TIE1: variants seen among roughly 807,000 people sequenced by gnomAD.
TIE1 encodes the protein tyrosine-protein kinase receptor Tie-1.
Under a neutral mutation model 130.5 loss-of-function variants are expected in TIE1, and 89 were observed. The observed-to-expected ratio is 0.68, with a 90% CI of 0.57 to 0.81. The LOEUF is 0.81. Among genes scored for constraint, TIE1 ranks in the 40% least tolerant of loss-of-function variants. The pLI, the probability that TIE1 is intolerant of heterozygous loss-of-function variation, is 0.00. For synonymous variants in TIE1, 568 were observed against 629.4 expected (o/e 0.90, Z 1.46); for missense variants, 1,392 against 1,559.8 (o/e 0.89, Z 1.81).
chr1:43,308,259 T>C (rs1646750877), intron 7 of TIE1, among the ~76,000 whole-genome samples: 1 of 152,150 alleles, frequency 6.6e-6, no homozygotes, highest in Non-Finnish European at 1.5e-5. Flanking sequence ...AGATTAGATA[T>C]GAAGGACAAA....
In TIE1 at chr1:43,318,090, C is replaced by G. The variant is rs371762768; in HGVS notation, c.2922+18C>G. On this transcript the variant is annotated intron_variant, in intron 17 of 22. Coordinates refer to ENST00000372476, the MANE Select transcript of TIE1 (RefSeq NM_005424.5). This position sits in a 1 kb window ranked among gnomAD's most constrained non-coding sequence, Gnocchi z 4.4. ...AGAAGCAGGTGTGTGTGAGTGGGGG[C>G]GGGTGGAGGCCAGAGGGGGAAGCCA... The G allele has an allele frequency of 2.6e-6, 4 of 1,520,352 alleles. No individual in the cohort carries two copies. The highest frequency in any genetic ancestry group is 3.5e-6 in the Non-Finnish European group (4 of 1,133,874). 94.2% of individuals were successfully genotyped at this position (1,520,352 alleles called of 1,614,324 possible).
At position 43,312,717 on chromosome 1, in the gene TIE1, A is replaced by C; in HGVS notation, c.1927+116A>C. 1 of 1,233,040 alleles carries C rather than the reference A, an allele frequency of 8.1e-7. No homozygotes were observed. The highest frequency in any genetic ancestry group is 2.5e-5 in the East Asian group (1 of 40,708). The allele number at this position is 1,233,040 out of a possible 1,614,324, so 76.4% of individuals were successfully genotyped here. On this transcript the variant is annotated intron_variant, in intron 12 of 22. Coordinates refer to ENST00000372476, the MANE Select transcript of TIE1 (RefSeq NM_005424.5). This position sits in a 1 kb window ranked among gnomAD's most constrained non-coding sequence, Gnocchi z 5.6. ...AGATTAATGGACATGGAGAGGACAC[A>C]GGACACACATAGGGTATTAGGCAGA...
At position 43,307,146 on chromosome 1, in the gene TIE1, TG is replaced by T. The variant is rs1646737524; in HGVS notation, c.649del (p.Ala217LeufsTer148). 1.2e-6 allele frequency: 2 copies of T among 1,613,948 alleles called. No individual in the cohort carries two copies. Among genetic ancestry groups the T allele is most frequent in the Non-Finnish European group, 1.7e-6 (2 of 1,179,958 alleles). On this transcript the variant is annotated frameshift_variant, in exon 5 of 23. Transcript: ENST00000372476. LOFTEE classifies it high-confidence loss of function. The surrounding 1 kb of genome is among the most constrained non-coding windows in gnomAD (Gnocchi z 5.4). The stretch of plus-strand genomic sequence containing the variant: ...GCTGAAGACACCTTCCTCCAGGTTG[TG>T]GGGCTGGGCGCTGGGGGCCAGGCTG... ...AFFRLIVRGCGAGRWGPGCTK... is the reference protein window; with the variant it reads ...AFFRLIVRGCXAGRWGPGCTK...
intron 7 of TIE1, 160 bp from the exon 8 acceptor site, chr1:43,308,826 G>A (rs1646757803): frequency 1.1e-6 from 1 of 911,696 alleles, no homozygotes. Flanking sequence ...TGGGATGTGG[G>A]GCTGGGACGC....
chr1:43,321,143 G>A, intron 19 of TIE1, 126 bp from the exon 20 acceptor site: 1 of 1,006,098 alleles, frequency 9.9e-7, no homozygotes. Context: ...GCTGGCCAAG[G>A]CCAGATACTT....
At position 43,313,929 on chromosome 1, in the gene TIE1, C is replaced by T. The variant is rs1250656326; in HGVS notation, c.2370C>T (p.Cys790=). ...CCCTGGTGTGCATCCGCAGAAGCTG[C>T]CTGCATCGGAGACGCACCTTCACCT... ...LLTLVCIRRS[C]LHRRRTFTYQ... The change falls in exon 14 of 23, where the codon TGC becomes TGT. Residue 790 remains cysteine, a synonymous_variant. Transcript: ENST00000372476. This position sits in a 1 kb window ranked among gnomAD's most constrained non-coding sequence, Gnocchi z 6.2. The T allele has an allele frequency of 1.2e-6, 2 of 1,614,196 alleles. No homozygotes were observed. The highest frequency in any genetic ancestry group is 1.3e-5 in the African/African-American group (1 of 75,050).
Position 43,309,097 on chromosome 1 carries a change from T to C in TIE1, c.1154T>C (p.Ile385Thr), listed in dbSNP as rs1222465532. The change falls in exon 8 of 23, where the codon ATA becomes ACA. Residue 385 changes from isoleucine (I) to threonine (T), a missense_variant. Physicochemically the swap from Ile to Thr is moderately conservative, Grantham distance 89. Around this residue, in one of 6 missense-constraint regions of TIE1, gnomAD observed 551 missense variants for 565.5 expected, o/e 0.97. Coordinates refer to ENST00000372476, the MANE Select transcript of TIE1 (RefSeq NM_005424.5). This position sits in a 1 kb window ranked among gnomAD's most constrained non-coding sequence, Gnocchi z 6.3. ...AGNPFPVRGS[I>T]ELRKPDGTVL... is the part of the protein sequence containing the mutation. ...AACCCCTTCCCCGTGCGGGGCAGCA[T>C]AGAGCTACGCAAGCCAGACGGCACT... 3.1e-6 allele frequency: 5 copies of C among 1,612,180 alleles called. No individual in the cohort carries two copies. The highest frequency in any genetic ancestry group is 1.7e-5 in the Admixed American group (1 of 59,924).
chr1:43,309,652 C>CCAGA lies in TIE1; in HGVS notation c.1333+123_1333+126dup. On this transcript the variant is annotated intron_variant, in intron 9 of 22. Coordinates refer to ENST00000372476, the MANE Select transcript of TIE1 (RefSeq NM_005424.5). This position sits in a 1 kb window ranked among gnomAD's most constrained non-coding sequence, Gnocchi z 6.3. ...GGACATCTAAGGTCATAGCCTAGCA[C>CCAGA]CAGACAAAAAGCGGGGTTGTGGTCA... 7.4e-7 allele frequency: 1 copy of CCAGA among 1,344,086 alleles called. No individual in the cohort carries two copies. Among genetic ancestry groups the CCAGA allele is most frequent in the Non-Finnish European group, 9.7e-7 (1 of 1,028,344 alleles). The allele number at this position is 1,344,086 out of a possible 1,614,324, so 83.3% of individuals were successfully genotyped here.
rs1397527267 is a variant in TIE1, at chr1:43,322,397, G to A, written c.3346-254G>A. ...CTGAATGAATGAACGCATAAGCCAA[G>A]AATTCATTGAAAGAGTGCATGTAAA... On this transcript the variant is annotated intron_variant, in intron 22 of 22. Transcript: ENST00000372476. This position sits in a 1 kb window ranked among gnomAD's most constrained non-coding sequence, Gnocchi z 4.0. 2.0e-5 allele frequency among the ~76,000 whole-genome samples: 3 copies of A among 152,220 alleles called. No homozygotes were observed. The highest frequency in any genetic ancestry group is 2.0e-4 in the Admixed American group (3 of 15,290).
chr1:43,319,639 T>C lies in TIE1; in HGVS notation c.3107+110T>C. On this transcript the variant is annotated intron_variant, in intron 19 of 22. Coordinates refer to ENST00000372476, the MANE Select transcript of TIE1 (RefSeq NM_005424.5). This position sits in a 1 kb window ranked among gnomAD's most constrained non-coding sequence, Gnocchi z 4.7. The stretch of plus-strand genomic sequence containing the variant: ...AGGTGGTCTAAGGCATGACCTGGGC[T>C]GTGTTCCAGGTGTGACACAGGTGTG... 6 of 1,154,622 alleles carry C rather than the reference T, an allele frequency of 5.2e-6. No individual in the cohort carries two copies. The highest frequency in any genetic ancestry group is 7.8e-6 in the Non-Finnish European group (6 of 772,042). 71.5% of individuals were successfully genotyped at this position (1,154,622 alleles called of 1,614,324 possible). A position where few individuals can be genotyped will look rare whatever the true frequency, so the allele number is the denominator to read the frequency against.
intron 22 of TIE1, 150 bp downstream of exon 22, chr1:43,321,865 T>G: frequency 2.7e-6 from 2 of 741,234 alleles, no homozygotes; most frequent in Non-Finnish European, 4.5e-6. Context: ...GGCCCCAGGA[T>G]GCAGCCTGCC....
Position 43,317,680 on chromosome 1 carries a change from C to A in TIE1, c.2731+6C>A. The A allele has an allele frequency of 6.4e-7, 1 of 1,565,162 alleles. No homozygotes were observed. The highest frequency in any genetic ancestry group is 1.2e-5 in the South Asian group (1 of 82,874). The stretch of plus-strand genomic sequence containing the variant: ...GGGGGCCTGTAAGAACCGAGGTGAG[C>A]CCCCAGCTCATCACCTACCCCTTCT... On this transcript the variant is annotated splice_donor_region_variant and intron_variant, in intron 16 of 22. Transcript: ENST00000372476. This position sits in a 1 kb window ranked among gnomAD's most constrained non-coding sequence, Gnocchi z 5.1.
rs1310840137 is a variant in TIE1 at position 43,305,183 on chromosome 1, G to C, written c.373+18G>C. On this transcript the variant is annotated intron_variant, in intron 2 of 22. Coordinates refer to ENST00000372476, the MANE Select transcript of TIE1 (RefSeq NM_005424.5). ...CCCTGGAGGTGAGTTAGGCAGGCGG[G>C]GGGATGGCGCGGGGAAAACCAGGCC... 4 of 1,614,030 alleles carry C rather than the reference G, an allele frequency of 2.5e-6. No individual in the cohort carries two copies. Among genetic ancestry groups the C allele is most frequent in the East Asian group, 2.2e-5 (1 of 44,872 alleles).
Position 43,313,993 on chromosome 1 carries a change from G to A in TIE1, c.2409+25G>A, listed in dbSNP as rs1484727864. Reference sequence around the variant, plus strand: ...GGTCAGTGACCCGCCCCGCCCCTGGGTGCATGCTTGCAGCCCGTGTTTATG... The same window carrying A: ...GGTCAGTGACCCGCCCCGCCCCTGGATGCATGCTTGCAGCCCGTGTTTATG... On this transcript the variant is annotated intron_variant, in intron 14 of 22. Coordinates refer to ENST00000372476, the MANE Select transcript of TIE1 (RefSeq NM_005424.5). This position sits in a 1 kb window ranked among gnomAD's most constrained non-coding sequence, Gnocchi z 6.2. 6.2e-7 allele frequency: 1 copy of A among 1,612,234 alleles called. No homozygotes were observed. Among genetic ancestry groups the A allele is most frequent in the Admixed American group, 1.7e-5 (1 of 60,000 alleles).
Position 43,318,625 on chromosome 1 carries a change from T to A in TIE1, c.2922+553T>A, listed in dbSNP as rs1646884739. On this transcript the variant is annotated intron_variant, in intron 17 of 22. Coordinates refer to ENST00000372476, the MANE Select transcript of TIE1 (RefSeq NM_005424.5). This position sits in a 1 kb window ranked among gnomAD's most constrained non-coding sequence, Gnocchi z 4.4. ...TTCAAGCAATTCTCCTGCCTCAGCC[T>A]CCTGAGTAGCTGGGATTACAGGCAT... Among the ~76,000 whole-genome samples, 1 of 151,920 alleles carries A rather than the reference T, an allele frequency of 6.6e-6. No homozygotes were observed. The highest frequency in any genetic ancestry group is 6.6e-5 in the Admixed American group (1 of 15,252).
In TIE1 at chr1:43,317,812, C is replaced by A; in HGVS notation, c.2732-70C>A. ...ATCCTCCTTCATCCCTGTCTGTTACCATCGGGTGCCTGCTCCCACCCTAGG... is the reference window on the plus strand; with the variant it reads ...ATCCTCCTTCATCCCTGTCTGTTACAATCGGGTGCCTGCTCCCACCCTAGG... On this transcript the variant is annotated intron_variant, in intron 16 of 22. Transcript: ENST00000372476. This position sits in a 1 kb window ranked among gnomAD's most constrained non-coding sequence, Gnocchi z 5.1. The A allele has an allele frequency of 6.4e-7, 1 of 1,555,870 alleles. No individual in the cohort carries two copies. The highest frequency in any genetic ancestry group is 1.1e-5 in the South Asian group (1 of 86,984).
rs553411267 is a variant in TIE1, at chr1:43,307,366, G to A, written c.773-66G>A. On this transcript the variant is annotated intron_variant, in intron 5 of 22. Coordinates refer to ENST00000372476, the MANE Select transcript of TIE1 (RefSeq NM_005424.5). This position sits in a 1 kb window ranked among gnomAD's most constrained non-coding sequence, Gnocchi z 5.4. ...TGTGGGTGGAGCTTGGAGGGTAAGGGCGACAGGCAGGTCCTGGGCCCAGGG... is the reference window on the plus strand; with the variant it reads ...TGTGGGTGGAGCTTGGAGGGTAAGGACGACAGGCAGGTCCTGGGCCCAGGG... 1.6e-5 allele frequency: 26 copies of A among 1,611,322 alleles called. No individual in the cohort carries two copies. Among genetic ancestry groups the A allele is most frequent in the East Asian group, 8.9e-5 (4 of 44,806 alleles).
At chr1:43,310,740 A>G (rs1363760057) in intron 9 of TIE1, among the ~76,000 whole-genome samples, 1 of 152,086 alleles carries the variant, frequency 6.6e-6, no homozygotes, top group East Asian at 1.9e-4. Context: ...CTGGACATCT[A>G]ATCCCCTGCG....
intron 7 of TIE1, 78 bp from the exon 8 acceptor site, chr1:43,308,908 G>C: frequency 6.2e-7 from 1 of 1,602,170 alleles, no homozygotes; most frequent in Admixed American, 1.7e-5. Context: ...CTGAGAAACA[G>C]AACACGGATG....
Sources: gnomAD v4.1 joint callset for allele counts (sites outside exome capture counted in the v4.1 genomes callset) on GRCh38, gnomAD v4.1.1 for gene constraint, gnomAD v4.1.1 regional missense constraint, Gnocchi (gnomAD v3.1) non-coding constraint, MANE v1.5 for transcripts, NCBI Gene and HGNC (gene_info 2026-07-23, HGNC 2026-07-21) for gene names.